EXTL3: variants seen among roughly 807,000 people sequenced by gnomAD.
EXTL3 encodes the protein exostosin like glycosyltransferase 3.
A neutral mutation model predicts 69.3 loss-of-function variants in EXTL3; 27 were observed. The ratio of observed to expected loss-of-function variants is 0.39; its 90% CI spans 0.29 to 0.54. EXTL3 has a LOEUF of 0.54. Ranked by LOEUF, EXTL3 falls within the 20% of genes least tolerant of loss-of-function variation. The pLI is 0.69. For synonymous variants in EXTL3, 511 were observed against 499.4 expected (o/e 1.02, Z -0.31); for missense variants, 1,003 against 1,231.8 (o/e 0.81, Z 2.78).
intron 3 of EXTL3, among the ~76,000 whole-genome samples, chr8:28,728,883 C>T (rs148219658): frequency 2.0e-5 from 3 of 152,138 alleles, no homozygotes; most frequent in African/African-American, 7.2e-5. Context: ...CAACTCAAGA[C>T]TCCATCTCTT....
At chr8:28,733,818 CT>C (rs768694070) in intron 4 of EXTL3, among the ~76,000 whole-genome samples, 213 of 139,026 alleles carry the variant, frequency 1.5e-3, no homozygotes, top group East Asian at 3.1e-3. Context: ...GGATTGTCGT[CT>C]TTTTTTTTTT....
chr8:28,610,251 G>A (rs1806254997), intron 2 of EXTL3, among the ~76,000 whole-genome samples: 2 of 151,364 alleles, frequency 1.3e-5, no homozygotes, highest in South Asian at 4.1e-4. Context: ...GTGTATGCAT[G>A]TGAAACAATT....
In EXTL3 at chr8:28,635,715, C is replaced by CCACACACACACA. The variant is rs146671194; in HGVS notation, c.-53+12923_-53+12934dup. ...AACATAGTGAGACCCCCCCACAACT[C>CCACACACACACA]CACACACACACACACACACACACAC... On this transcript the variant is annotated intron_variant, in intron 1 of 6. Transcript: ENST00000523149. Among the ~76,000 whole-genome samples the CCACACACACACA allele has an allele frequency of 7.6e-3, 1,087 of 142,808 alleles. 5 individuals are homozygous for CCACACACACACA. Among genetic ancestry groups the CCACACACACACA allele is most frequent in the Non-Finnish European group, 9.9e-3 (642 of 64,930 alleles). The allele number at this position is 142,808 out of a possible 152,430, so 93.7% of individuals were successfully genotyped here. A position where few individuals can be genotyped will look rare whatever the true frequency, so the allele number is the denominator to read the frequency against.
chr8:28,696,170 C>G (rs941795392), intron 1 of EXTL3: 2 of 152,192 alleles, frequency 1.3e-5, no homozygotes, highest in African/African-American at 4.8e-5. Context: ...GCTAGGATTA[C>G]AGGTGTGAGC....
At chr8:28,644,679 A>C (rs112867091) in intron 1 of EXTL3, among the ~76,000 whole-genome samples, 2,659 of 152,306 alleles carry the variant, frequency 0.017, 77 homozygotes, top group African/African-American at 0.061. Flanking sequence ...TGTCTCTAAA[A>C]AATAAAATTT....
chr8:28,706,408 G>T (rs573003257), intron 1 of EXTL3, among the ~76,000 whole-genome samples: 1 of 152,250 alleles, frequency 6.6e-6, no homozygotes, highest in South Asian at 2.1e-4. Flanking sequence ...TAATGTTTTA[G>T]TATGAGCATT....
intron 1 of EXTL3, among the ~76,000 whole-genome samples, chr8:28,678,810 A>G (rs145694416): frequency 6.6e-6 from 1 of 152,234 alleles, no homozygotes; most frequent in East Asian, 1.9e-4. Context: ...GATTTCCCCT[A>G]TATGTTCCAA....
At chr8:28,710,621 T>C in intron 1 of EXTL3, 8 of 362,744 alleles carry the variant, frequency 2.2e-5, no homozygotes, top group South Asian at 1.3e-4. Context: ...TTCTTTTTTT[T>C]TTTTTTTTTG....
chr8:28,652,366 A>C (rs1357069669), intron 1 of EXTL3, among the ~76,000 whole-genome samples: 1 of 152,172 alleles, frequency 6.6e-6, no homozygotes, highest in Non-Finnish European at 1.5e-5. Flanking sequence ...TCCTTTAAAA[A>C]AAAATTATAG....
intron 6 of EXTL3, among the ~76,000 whole-genome samples, chr8:28,748,989 G>A (rs917559807): frequency 6.6e-6 from 1 of 152,162 alleles, no homozygotes; most frequent in Non-Finnish European, 1.5e-5. Flanking sequence ...CCCTTGGACT[G>A]TTTGACAAAA....
At chr8:28,682,218 A>G (rs919159842) in intron 1 of EXTL3, among the ~76,000 whole-genome samples, 5 of 152,074 alleles carry the variant, frequency 3.3e-5, no homozygotes, top group African/African-American at 1.2e-4. Flanking sequence ...TTTTTTGTAT[A>G]TGTATATACT....
intron 1 of EXTL3, among the ~76,000 whole-genome samples, chr8:28,634,795 A>G (rs181404690): frequency 1.7e-3 from 257 of 152,068 alleles, no homozygotes; most frequent in Non-Finnish European, 3.2e-3. Context: ...GGGTTTTGCC[A>G]TGTTGGCCAG....
intron 1 of EXTL3, among the ~76,000 whole-genome samples, chr8:28,663,281 T>A (rs556224380): frequency 2.0e-5 from 3 of 152,148 alleles, no homozygotes; most frequent in African/African-American, 7.2e-5. Context: ...CCTCTTCTTT[T>A]TATAAAGTAG....
intron 3 of EXTL3, among the ~76,000 whole-genome samples, chr8:28,721,942 A>G (rs1012471829): frequency 2.0e-5 from 3 of 152,284 alleles, no homozygotes; most frequent in Admixed American, 6.5e-5. Context: ...TTCACACTGT[A>G]TACTCACTGA....
In EXTL3 at chr8:28,667,324, C is replaced by T. The variant is rs1210182756; in HGVS notation, c.-53+44514C>T. Among the ~76,000 whole-genome samples the T allele has an allele frequency of 3.3e-5, 5 of 152,096 alleles. 1 individual carries two copies. The highest frequency in any genetic ancestry group is 7.4e-5 in the Non-Finnish European group (5 of 68,026). On this transcript the variant is annotated intron_variant, in intron 1 of 6. Transcript: ENST00000523149. ...ACAAGGGTGGGGGATTCTTGCAGAA[C>T]CAGATTCAGCAGGCCAAGGATGAGG...
intron 1 of EXTL3, among the ~76,000 whole-genome samples, chr8:28,690,595 A>G (rs1800601073): frequency 6.6e-6 from 1 of 152,120 alleles, no homozygotes; most frequent in Non-Finnish European, 1.5e-5. Context: ...GTTTTGGCAC[A>G]GGGTCTTTCA....
At chr8:28,638,015 C>T (rs1024460398) in intron 1 of EXTL3, among the ~76,000 whole-genome samples, 3 of 152,180 alleles carry the variant, frequency 2.0e-5, no homozygotes, top group Non-Finnish European at 4.4e-5. Context: ...TCCTGACGCA[C>T]GTGTCTTTGA....
At chr8:28,650,005 G>A (rs925726906) in intron 1 of EXTL3, among the ~76,000 whole-genome samples, 26 of 152,018 alleles carry the variant, frequency 1.7e-4, no homozygotes, top group African/African-American at 6.0e-4. Flanking sequence ...AGACCAGCCT[G>A]GCCAACATGG....
intron 3 of EXTL3, among the ~76,000 whole-genome samples, chr8:28,725,005 T>A (rs1357621667): frequency 6.6e-6 from 1 of 152,134 alleles, no homozygotes; most frequent in Non-Finnish European, 1.5e-5. Context: ...TCTTTTAAGT[T>A]GGAGGAAGGG....
Sources: gnomAD v4.1 joint callset for allele counts (sites outside exome capture counted in the v4.1 genomes callset) on GRCh38, gnomAD v4.1.1 for gene constraint, MANE v1.5 for transcripts, NCBI Gene and HGNC (gene_info 2026-07-23, HGNC 2026-07-21) for gene names.